The following MRAP2 variants were observed in gnomAD, a reference collection of about 807,000 sequenced individuals.
The protein encoded by MRAP2 is melanocortin-2 receptor accessory protein 2.
In MRAP2, 20 loss-of-function variants were observed where a neutral mutation model predicts 17.4. The ratio of observed to expected loss-of-function variants is 1.15; its 90% CI spans 0.81 to 1.67. The LOEUF (loss-of-function observed/expected upper bound fraction) is 1.67, where lower values mean the gene tolerates loss of function less well. Among genes scored for constraint, MRAP2 ranks in the 40% most tolerant of loss-of-function variants. MRAP2 has a pLI of 0.00. For synonymous variants in MRAP2, 96 were observed against 88.4 expected (o/e 1.09, Z -0.48); for missense variants, 238 against 240.0 (o/e 0.99, Z 0.05).
the MRAP2 span, among the ~76,000 whole-genome samples, chr6:84,121,962 GACCAAAAA>G: frequency 1.3e-5 from 2 of 151,924 alleles, no homozygotes; most frequent in African/African-American, 4.8e-5. Flanking sequence ...AACTAAATGA[GACCAAAAA>G]ATGAGAGAGG....
chr6:84,114,208 G>A, the MRAP2 span, among the ~76,000 whole-genome samples: 4 of 152,036 alleles, frequency 2.6e-5, no homozygotes, highest in African/African-American at 9.7e-5. Flanking sequence ...CTCACTTCAG[G>A]TACACCAATC....
intron 1 of MRAP2, among the ~76,000 whole-genome samples, chr6:84,042,851 C>T (rs911948373): frequency 2.6e-5 from 4 of 152,246 alleles, no homozygotes; most frequent in African/African-American, 9.6e-5. Flanking sequence ...TTTTCTACTG[C>T]TGTGTCTCAA....
chr6:84,056,130 CAG>C (rs2099491651), intron 2 of MRAP2, among the ~76,000 whole-genome samples: 1 of 152,212 alleles, frequency 6.6e-6, no homozygotes, highest in African/African-American at 2.4e-5. Flanking sequence ...TGCCCAGTCT[CAG>C]ATCCTGTCTT....
In MRAP2 at chr6:84,090,112, G is replaced by A. The variant is rs1174772627; in HGVS notation, c.*631G>A. On this transcript the variant is annotated 3_prime_UTR_variant, in exon 4 of 4. Coordinates refer to ENST00000257776, the MANE Select transcript of MRAP2 (RefSeq NM_138409.4). The stretch of plus-strand genomic sequence containing the variant: ...CCCATTTTTAACTGTAGGTTGACAG[G>A]TCTAGAGTGATCCATCCCACCTCTA... The A allele has an allele frequency of 6.5e-6, 1 of 152,724 alleles. No individual in the cohort carries two copies. The highest frequency in any genetic ancestry group is 1.5e-5 in the Non-Finnish European group (1 of 68,484). The allele number at this position is 152,724 out of a possible 1,614,324, so 9.5% of individuals were successfully genotyped here.
chr6:84,116,424 T>G, the MRAP2 span, among the ~76,000 whole-genome samples: 5 of 152,178 alleles, frequency 3.3e-5, no homozygotes, highest in Non-Finnish European at 7.4e-5. Context: ...AAGACATGCC[T>G]TTCACCTTCT....
chr6:84,107,474 G>T, the MRAP2 span, among the ~76,000 whole-genome samples: 1 of 152,156 alleles, frequency 6.6e-6, no homozygotes, highest in Non-Finnish European at 1.5e-5. Flanking sequence ...CAGAGTAGTT[G>T]CTACTTCTTC....
At chr6:84,095,609 AAT>A (rs1482738952), downstream of MRAP2, among the ~76,000 whole-genome samples, 1 of 152,222 alleles carries the variant, frequency 6.6e-6, no homozygotes, top group African/African-American at 2.4e-5. Context: ...ACTTTGCCAA[AAT>A]ATATACTGTG....
At chr6:84,120,865 G>A in the MRAP2 span, among the ~76,000 whole-genome samples, 1 of 152,014 alleles carries the variant, frequency 6.6e-6, no homozygotes, top group African/African-American at 2.4e-5. Flanking sequence ...GTAAAAAATA[G>A]CAAACTGTAA....
At chr6:84,089,070 T>A in intron 3 of MRAP2, 21 bp from the exon 4 acceptor site, 1 of 1,586,984 alleles carries the variant, frequency 6.3e-7, no homozygotes, top group Non-Finnish European at 8.6e-7. Context: ...AAGCAGTCTT[T>A]TATTTTCTTT....
At chr6:84,061,720 TG>T in intron 2 of MRAP2, 1 of 945,090 alleles carries the variant, frequency 1.1e-6, no homozygotes, top group Non-Finnish European at 1.3e-6. Context: ...AGGGACACAG[TG>T]TCCCCTAGTT....
intron 3 of MRAP2, among the ~76,000 whole-genome samples, chr6:84,081,656 TA>T: frequency 6.6e-6 from 1 of 152,190 alleles, no homozygotes; most frequent in Non-Finnish European, 1.5e-5. Flanking sequence ...CTGTCTCTAC[TA>T]AAAATACAAA....
the MRAP2 span, among the ~76,000 whole-genome samples, chr6:84,140,941 G>A: frequency 0.044 from 6,683 of 152,234 alleles, 477 homozygotes; most frequent in African/African-American, 0.15. Flanking sequence ...AGGGAGGATG[G>A]TTTTGGGATG....
At chr6:84,134,503 G>A in the MRAP2 span, among the ~76,000 whole-genome samples, 2 of 152,216 alleles carry the variant, frequency 1.3e-5, no homozygotes, top group African/African-American at 4.8e-5. Flanking sequence ...CTTCTGGTGT[G>A]TGCATTGCGA....
the MRAP2 span, among the ~76,000 whole-genome samples, chr6:84,135,822 C>T: frequency 6.6e-6 from 1 of 152,102 alleles, no homozygotes. Context: ...GAGATTGTGC[C>T]ACTGCACTCC....
At chr6:84,034,854 T>C (rs1389039331) in intron 1 of MRAP2, among the ~76,000 whole-genome samples, 1 of 152,154 alleles carries the variant, frequency 6.6e-6, no homozygotes, top group Non-Finnish European at 1.5e-5. Flanking sequence ...CCAAGGTGAC[T>C]GCCCCAGTTA....
At chr6:84,111,218 G>A in the MRAP2 span, among the ~76,000 whole-genome samples, 1 of 152,090 alleles carries the variant, frequency 6.6e-6, no homozygotes, top group Non-Finnish European at 1.5e-5. Context: ...TAATGACATT[G>A]ATTTCTTCCC....
chr6:84,043,649 A>G (rs2099488217), intron 1 of MRAP2, among the ~76,000 whole-genome samples: 1 of 125,454 alleles, frequency 8.0e-6, no homozygotes, highest in Non-Finnish European at 1.6e-5. Flanking sequence ...CTGTGTGTGT[A>G]TGGGGGGGTG....
the MRAP2 span, among the ~76,000 whole-genome samples, chr6:84,122,630 A>G: frequency 6.6e-6 from 1 of 152,172 alleles, no homozygotes; most frequent in Non-Finnish European, 1.5e-5. Flanking sequence ...ATCATACTGC[A>G]TGGGTTAAAG....
At chr6:84,141,862 A>C in the MRAP2 span, among the ~76,000 whole-genome samples, 2 of 152,120 alleles carry the variant, frequency 1.3e-5, no homozygotes, top group African/African-American at 4.8e-5. Context: ...ATATTCCTTA[A>C]GACTGTCCTG....
Sources: gnomAD v4.1 joint callset for allele counts (sites outside exome capture counted in the v4.1 genomes callset) on GRCh38, gnomAD v4.1.1 for gene constraint, MANE v1.5 for transcripts, NCBI Gene and HGNC (gene_info 2026-07-23, HGNC 2026-07-21) for gene names.